BTC: variants seen among roughly 807,000 people sequenced by gnomAD.
BTC encodes betacellulin.
Under a neutral mutation model 18.1 loss-of-function variants are expected in BTC, and 13 were observed. The ratio of observed to expected loss-of-function variants is 0.72; its 90% CI spans 0.47 to 1.14. The LOEUF is 1.14. Among genes scored for constraint, BTC ranks in the 50% most tolerant of loss-of-function variants. The pLI is 0.00. For missense variants in BTC, 247 were observed against 224.2 expected (o/e 1.10, Z -0.65); for synonymous variants, 83 against 79.4 (o/e 1.05, Z -0.24).
intron 2 of BTC, among the ~76,000 whole-genome samples, chr4:74,763,598 A>G (rs1724821536): frequency 6.6e-6 from 1 of 152,142 alleles, no homozygotes; most frequent in South Asian, 2.1e-4. Flanking sequence ...TATAAGATCT[A>G]TAAATGCAGG....
intron 1 of BTC, among the ~76,000 whole-genome samples, chr4:74,785,179 T>C (rs1022224630): frequency 1.2e-4 from 19 of 152,202 alleles, no homozygotes; most frequent in Non-Finnish European, 4.4e-5. Flanking sequence ...CAGGAATTTA[T>C]CCATTTATCT....
intron 1 of BTC, among the ~76,000 whole-genome samples, chr4:74,770,500 G>A (rs1266227900): frequency 6.6e-6 from 1 of 152,186 alleles, no homozygotes; most frequent in Non-Finnish European, 1.5e-5. Context: ...TCCAGGGAGA[G>A]TGAATGGTGA....
chr4:74,777,218 G>A (rs1725198753), intron 1 of BTC, among the ~76,000 whole-genome samples: 1 of 152,148 alleles, frequency 6.6e-6, no homozygotes, highest in Non-Finnish European at 1.5e-5. Flanking sequence ...GTCCTCTTCT[G>A]TAAACTGAGG....
At chr4:74,792,001 A>ACT (rs1298068502) in intron 1 of BTC, among the ~76,000 whole-genome samples, 5 of 145,136 alleles carry the variant, frequency 3.4e-5, no homozygotes, top group Admixed American at 2.0e-4. Flanking sequence ...ACACACACAC[A>ACT]CACACAAACA....
intron 1 of BTC, among the ~76,000 whole-genome samples, chr4:74,781,580 C>A (rs983993430): frequency 1.3e-5 from 2 of 152,008 alleles, no homozygotes; most frequent in East Asian, 1.9e-4. Context: ...CTAAAATCCA[C>A]CCCCATTGTT....
chr4:74,752,379 C>CTTTTTT (rs5859439), intron 3 of BTC, among the ~76,000 whole-genome samples: 2 of 133,262 alleles, frequency 1.5e-5, no homozygotes, highest in Admixed American at 7.7e-5. Context: ...GGGGGAATCA[C>CTTTTTT]TTTTTTTTTT....
At chr4:74,784,417 C>A (rs903468966) in intron 1 of BTC, among the ~76,000 whole-genome samples, 1 of 151,978 alleles carries the variant, frequency 6.6e-6, no homozygotes, top group East Asian at 1.9e-4. Context: ...TACTTACATA[C>A]TCTTTATTTC....
At chr4:74,793,405 G>A (rs1411391692) in intron 1 of BTC, among the ~76,000 whole-genome samples, 1 of 152,120 alleles carries the variant, frequency 6.6e-6, no homozygotes, top group East Asian at 1.9e-4. Context: ...TTGAAGGTAG[G>A]AGTGATATCG....
intron 1 of BTC, among the ~76,000 whole-genome samples, chr4:74,777,611 T>C (rs927832895): frequency 6.6e-6 from 1 of 152,226 alleles, no homozygotes; most frequent in African/African-American, 2.4e-5. Context: ...TCCTTCTTTC[T>C]AATTTTTGGA....
chr4:74,780,371 C>T (rs28529552), intron 1 of BTC, among the ~76,000 whole-genome samples: 27,253 of 152,022 alleles, frequency 0.18, 4,051 homozygotes, highest in African/African-American at 0.41. Context: ...GTGTATTCTT[C>T]GTTATGTTTC....
At chr4:74,757,595 G>A (rs1724634843) in intron 2 of BTC, among the ~76,000 whole-genome samples, 1 of 152,010 alleles carries the variant, frequency 6.6e-6, no homozygotes, top group Non-Finnish European at 1.5e-5. Context: ...CTCTATAATA[G>A]GCACTAGAAA....
intron 1 of BTC, among the ~76,000 whole-genome samples, chr4:74,773,900 C>A (rs1200449412): frequency 6.6e-6 from 1 of 151,170 alleles, no homozygotes; most frequent in Non-Finnish European, 1.5e-5. Flanking sequence ...GCATGAGCCA[C>A]CAAGCCCGGC....
At chr4:74,791,969 T>TCACACACACACACA (rs3087019) in intron 1 of BTC, among the ~76,000 whole-genome samples, 1 of 134,148 alleles carries the variant, frequency 7.5e-6, no homozygotes, top group Non-Finnish European at 1.6e-5. Context: ...TTCCACCATC[T>TCACACACACACACA]CACACACACA....
chr4:74,750,842 T>TA lies in BTC; in HGVS notation c.282-124dup, dbSNP rs1181155678. Reference sequence around the variant, plus strand: ...TTAATAAAGAACACAGTTCCCTTTTTAAAAAAAGATGCACTACTTTGTTGA... The same window carrying TA: ...TTAATAAAGAACACAGTTCCCTTTTTAAAAAAAAGATGCACTACTTTGTTGA... On this transcript the variant is annotated intron_variant, in intron 3 of 5. Transcript: ENST00000395743. The TA allele has an allele frequency of 1.4e-5, 19 of 1,312,554 alleles. No homozygotes were observed. The African/African-American group carries it at 1.8e-4, about 12-fold the overall frequency. The allele number at this position is 1,312,554 out of a possible 1,614,324, so 81.3% of individuals were successfully genotyped here.
intron 1 of BTC, among the ~76,000 whole-genome samples, chr4:74,787,356 T>G (rs928527466): frequency 1.3e-5 from 2 of 152,324 alleles, no homozygotes. Flanking sequence ...TTCATGGTTA[T>G]TTGACCTTGT....
At chr4:74,779,004 T>C (rs1417073442) in intron 1 of BTC, among the ~76,000 whole-genome samples, 1 of 152,102 alleles carries the variant, frequency 6.6e-6, no homozygotes, top group East Asian at 1.9e-4. Context: ...GACAGGCTTC[T>C]GGGTTTTCAG....
rs146656652 is a variant in BTC, at chr4:74,750,719, G to A, written c.282C>T (p.Val94=). The A allele has an allele frequency of 1.4e-5, 23 of 1,611,244 alleles. No homozygotes were observed. Among genetic ancestry groups the A allele is most frequent in the Admixed American group, 5.1e-5 (3 of 59,302 alleles). ...FVVAEQTPSC[V]CDEGYIGARC... is the part of the protein sequence containing the mutation. ...TTGCTCCAATGTAGCCTTCATCACA[G>A]CTATAAAACAAGACGAGGGCAAGGA... The change falls in exon 4 of 6, where the codon GTC becomes GTT. Residue 94 remains valine, a splice_region_variant and synonymous_variant. Coordinates refer to ENST00000395743, the MANE Select transcript of BTC (RefSeq NM_001729.4).
intron 1 of BTC, among the ~76,000 whole-genome samples, chr4:74,770,450 A>T (rs1725008368): frequency 6.6e-6 from 1 of 152,208 alleles, no homozygotes; most frequent in Non-Finnish European, 1.5e-5. Context: ...AAGTAAGAGC[A>T]GCTGAATTCC....
intron 1 of BTC, among the ~76,000 whole-genome samples, chr4:74,793,944 C>A (rs1393852254): frequency 6.6e-6 from 1 of 151,484 alleles, no homozygotes; most frequent in Non-Finnish European, 1.5e-5. Flanking sequence ...CCCGCCGGCG[C>A]CGCCAGGCCC....
Sources: allele counts gnomAD v4.1 joint callset (sites outside exome capture counted in the v4.1 genomes callset), GRCh38; gene constraint gnomAD v4.1.1; transcripts MANE v1.5; gene names NCBI Gene and HGNC (gene_info 2026-07-23, HGNC 2026-07-21).